Variants in RBPJ observed in about 807,000 individuals in gnomAD.
RBPJ encodes the protein recombination signal binding protein for immunoglobulin kappa J region.
In RBPJ, 9 loss-of-function variants were observed where a neutral mutation model predicts 67.8. The ratio of observed to expected loss-of-function variants is 0.13; its 90% CI spans 0.08 to 0.23. The LOEUF (loss-of-function observed/expected upper bound fraction) is 0.23. Among genes scored for constraint, RBPJ ranks in the 10% least tolerant of loss-of-function variants. The probability of loss-of-function intolerance (pLI) is 1.00; values close to 1 mark genes in which losing one functional copy is unlikely to be tolerated. For missense variants in RBPJ, 305 were observed against 595.6 expected, an observed-to-expected ratio of 0.51 and a Z score of 5.08; for synonymous variants, 198 against 203.3, an observed-to-expected ratio of 0.97 and a Z score of 0.22.
the RBPJ span, among the ~76,000 whole-genome samples, chr4:26,119,986 T>C: frequency 3.3e-5 from 5 of 152,200 alleles, no homozygotes; most frequent in Admixed American, 3.3e-4. Flanking sequence ...GTAGGTTCTC[T>C]TTCTAGAAAA....
chr4:26,427,703 AT>A (rs1219082369), intron 7 of RBPJ, among the ~76,000 whole-genome samples: 2 of 152,184 alleles, frequency 1.3e-5, no homozygotes, highest in African/African-American at 4.8e-5. Context: ...GGTTGGAGAG[AT>A]TGCAGGAGAT....
chr4:26,255,260 C>T (rs1331756072), intron 1 of RBPJ, among the ~76,000 whole-genome samples: 5 of 138,722 alleles, frequency 3.6e-5, no homozygotes, highest in South Asian at 4.7e-4. Context: ...AAAAATGAGC[C>T]GGGCGTGGTG....
chr4:26,151,124 G>T, the RBPJ span, among the ~76,000 whole-genome samples: 2 of 152,182 alleles, frequency 1.3e-5, no homozygotes, highest in Admixed American at 1.3e-4. Context: ...AAATGGCACC[G>T]AAGCAGCAGA....
chr4:26,384,549 C>T (rs1730616664), intron 1 of RBPJ: 1 of 152,112 alleles, frequency 6.6e-6, no homozygotes, highest in Admixed American at 6.5e-5. Context: ...AGGTCTTTTT[C>T]AAGTGCTGTG....
intron 1 of RBPJ, among the ~76,000 whole-genome samples, chr4:26,174,235 C>G (rs1328866472): frequency 6.6e-6 from 1 of 152,160 alleles, no homozygotes; most frequent in Non-Finnish European, 1.5e-5. Flanking sequence ...AGTGAGATGA[C>G]CTTTACCTAA....
upstream of RBPJ, among the ~76,000 whole-genome samples, chr4:26,317,815 G>A (rs1722706073): frequency 6.6e-6 from 1 of 152,140 alleles, no homozygotes; most frequent in Non-Finnish European, 1.5e-5. Context: ...CTGAGATGGG[G>A]GAGGGCTGCA....
chr4:26,130,947 C>T, the RBPJ span, among the ~76,000 whole-genome samples: 20 of 152,274 alleles, frequency 1.3e-4, no homozygotes, highest in Admixed American at 2.0e-4. Context: ...AATTACATTT[C>T]GGCGTGGAAT....
intron 1 of RBPJ, among the ~76,000 whole-genome samples, chr4:26,370,873 G>A (rs1444519497): frequency 6.6e-6 from 1 of 152,010 alleles, no homozygotes; most frequent in East Asian, 1.9e-4. Context: ...GAGATAAGGA[G>A]ATCGAGACAA....
the RBPJ span, among the ~76,000 whole-genome samples, chr4:26,133,658 G>C: frequency 6.6e-6 from 1 of 152,162 alleles, no homozygotes; most frequent in Non-Finnish European, 1.5e-5. Context: ...CACATATGAG[G>C]GATCTAGGTT....
chr4:26,406,757 A>G (rs1733460874), intron 3 of RBPJ, among the ~76,000 whole-genome samples: 1 of 152,264 alleles, frequency 6.6e-6, no homozygotes, highest in Admixed American at 6.5e-5. Flanking sequence ...GAAGTTGCTT[A>G]CAAAAGGTTT....
At chr4:26,394,149 C>T (rs1731853008) in intron 2 of RBPJ, among the ~76,000 whole-genome samples, 1 of 151,866 alleles carries the variant, frequency 6.6e-6, no homozygotes, top group African/African-American at 2.4e-5. Flanking sequence ...GCCTCAGCCT[C>T]CGGAGTAGCT....
chr4:26,226,460 A>G (rs1407884456), intron 1 of RBPJ, among the ~76,000 whole-genome samples: 1 of 152,164 alleles, frequency 6.6e-6, no homozygotes, highest in Non-Finnish European at 1.5e-5. Flanking sequence ...GAGTGACAGA[A>G]TGAGGACCTG....
chr4:26,427,754 TGA>T (rs1185097434), intron 7 of RBPJ, among the ~76,000 whole-genome samples: 1 of 152,078 alleles, frequency 6.6e-6, no homozygotes, highest in African/African-American at 2.4e-5. Flanking sequence ...AAACAGGTAG[TGA>T]GAGGGAGGGA....
intron 1 of RBPJ, among the ~76,000 whole-genome samples, chr4:26,257,993 A>G (rs568794669): frequency 3.3e-5 from 5 of 152,322 alleles, no homozygotes; most frequent in African/African-American, 1.2e-4. Context: ...ATAATCTGTA[A>G]ATTACTATGT....
At chr4:26,315,144 CAAAAAAAAA>C (rs60940172), upstream of RBPJ, among the ~76,000 whole-genome samples, 1 of 10,356 alleles carries the variant, frequency 9.7e-5, no homozygotes, top group Non-Finnish European at 1.7e-4. Context: ...GTCTCTGTCT[CAAAAAAAAA>C]AAAAAAAAAA....
chr4:26,189,974 C>T (rs1174051871), intron 1 of RBPJ, among the ~76,000 whole-genome samples: 1 of 152,172 alleles, frequency 6.6e-6, no homozygotes, highest in African/African-American at 2.4e-5. Flanking sequence ...ACACACTTGA[C>T]AGATGCTGCC....
chr4:26,405,762 A>G (rs180939956), intron 2 of RBPJ, among the ~76,000 whole-genome samples: 4 of 152,236 alleles, frequency 2.6e-5, no homozygotes, highest in Admixed American at 2.6e-4. Context: ...ATTGCTTCCG[A>G]TAGCTGGGGT....
At chr4:26,292,189 AAG>A (rs1721692745) in intron 1 of RBPJ, among the ~76,000 whole-genome samples, 1 of 150,550 alleles carries the variant, frequency 6.6e-6, no homozygotes, top group Non-Finnish European at 1.5e-5. Flanking sequence ...TTATAACTGA[AAG>A]TTTGTACATT....
At chr4:26,330,191 T>C (rs1724084176) in intron 1 of RBPJ, among the ~76,000 whole-genome samples, 1 of 152,248 alleles carries the variant, frequency 6.6e-6, no homozygotes, top group Non-Finnish European at 1.5e-5. Flanking sequence ...ATACTTCTGT[T>C]ACACTTAACA....
Sources: allele counts gnomAD v4.1 joint callset (sites outside exome capture counted in the v4.1 genomes callset), GRCh38; gene constraint gnomAD v4.1.1; transcripts MANE v1.5; gene names NCBI Gene and HGNC (gene_info 2026-07-23, HGNC 2026-07-21).